PSD3: variants seen among roughly 807,000 people sequenced by gnomAD.
PSD3 encodes the protein PH and SEC7 domain-containing protein 3.
In PSD3, 49 loss-of-function variants were observed where a neutral mutation model predicts 105.5. The observed-to-expected ratio is 0.46, with a 90% CI of 0.37 to 0.59. The LOEUF (loss-of-function observed/expected upper bound fraction) is 0.59. Ranked by LOEUF, PSD3 falls within the 20% of genes least tolerant of loss-of-function variation. The probability of loss-of-function intolerance (pLI) is 0.00; values close to 1 mark genes in which losing one functional copy is unlikely to be tolerated. For synonymous variants in PSD3, 557 were observed against 457.8 expected (o/e 1.22, Z -2.77); for missense variants, 1,561 against 1,263.8 (o/e 1.24, Z -3.57).
At chr8:19,064,451 G>A (rs1395521) in intron 1 of PSD3, among the ~76,000 whole-genome samples, 138,000 of 152,168 alleles carry the variant, frequency 0.91, 63,387 homozygotes, top group Non-Finnish European at 1. Context: ...ACAAGCATAC[G>A]ATGTGTAATG....
chr8:18,728,961 G>C (rs923340362), intron 9 of PSD3, among the ~76,000 whole-genome samples: 15 of 152,128 alleles, frequency 9.9e-5, no homozygotes, highest in African/African-American at 3.6e-4. Context: ...CAGAGATCTG[G>C]TTTCAGGCTT....
intron 2 of PSD3, among the ~76,000 whole-genome samples, chr8:18,923,236 G>A (rs1333568579): frequency 3.9e-5 from 6 of 152,134 alleles, no homozygotes; most frequent in Admixed American, 3.9e-4. Context: ...TTAAAAATTT[G>A]TGTTGTGCCA....
At chr8:18,891,657 T>C (rs1364535373) in intron 2 of PSD3, among the ~76,000 whole-genome samples, 1 of 152,056 alleles carries the variant, frequency 6.6e-6, no homozygotes, top group East Asian at 1.9e-4. Context: ...TTACTAAATG[T>C]GTGTTCAACT....
chr8:18,789,927 G>A (rs567620953), intron 8 of PSD3, among the ~76,000 whole-genome samples: 3 of 152,274 alleles, frequency 2.0e-5, no homozygotes, highest in South Asian at 2.1e-4. Flanking sequence ...ACAGTGATAA[G>A]AAGACTGAAT....
chr8:18,738,257 G>A (rs1804299897), intron 9 of PSD3, among the ~76,000 whole-genome samples: 1 of 152,112 alleles, frequency 6.6e-6, no homozygotes, highest in Non-Finnish European at 1.5e-5. Flanking sequence ...GCAGTGAGAA[G>A]GACAAGTAGC....
At chr8:19,057,335 T>C (rs529519539) in intron 1 of PSD3, among the ~76,000 whole-genome samples, 1 of 152,288 alleles carries the variant, frequency 6.6e-6, no homozygotes, top group African/African-American at 2.4e-5. Context: ...CATCTTTCCA[T>C]GGAAGTTTCT....
At chr8:18,993,131 T>G (rs1825893861) in intron 1 of PSD3, among the ~76,000 whole-genome samples, 1 of 152,184 alleles carries the variant, frequency 6.6e-6, no homozygotes, top group African/African-American at 2.4e-5. Flanking sequence ...AAGAAAATCT[T>G]GTAAATGTCT....
chr8:18,535,768 G>C lies in PSD3; in HGVS notation c.3119C>G (p.Pro1040Arg), dbSNP rs201073812. 12 of 1,613,460 alleles carry C rather than the reference G, an allele frequency of 7.4e-6. No homozygotes were observed. The highest frequency in any genetic ancestry group is 9.3e-6 in the Non-Finnish European group (11 of 1,179,618). ...SERKDHRPET[P>R]SIKQKVT ...CTAAGTAACTTTTTGCTTAATGCTTGGTGTTTCAGGTCGGTGATCCTTCCT... is the reference window on the plus strand; with the variant it reads ...CTAAGTAACTTTTTGCTTAATGCTTCGTGTTTCAGGTCGGTGATCCTTCCT... The change falls in exon 16 of 16, where the codon CCA becomes CGA. Residue 1040 changes from proline to arginine, a missense_variant. Coordinates refer to ENST00000327040, the MANE Select transcript of PSD3 (RefSeq NM_015310.4).
In PSD3 at chr8:18,765,527, C is replaced by A; in HGVS notation, c.2094G>T (p.Lys698Asn). The change falls in exon 9 of 16, where the codon AAG (lysine) becomes AAT (asparagine). Residue 698 changes from lysine to asparagine, a missense_variant. By Grantham distance (94) the Lys-to-Asn change is moderately conservative. Transcript: ENST00000327040. ...CAATGAACTCCTGACAGGTCATCTT[C>A]TTTCCAATATTCTGAAACAGAGGCA... Reference protein sequence around the residue: ...NTDLHGHNIGKKMTCQEFIAN... With the variant: ...NTDLHGHNIGNKMTCQEFIAN... 1 of 1,608,426 alleles carries A rather than the reference C, an allele frequency of 6.2e-7. No individual in the cohort carries two copies. Among genetic ancestry groups the A allele is most frequent in the Non-Finnish European group, 8.5e-7 (1 of 1,174,870 alleles).
chr8:18,728,065 A>C (rs1803464548), intron 9 of PSD3, among the ~76,000 whole-genome samples: 1 of 150,770 alleles, frequency 6.6e-6, no homozygotes, highest in Non-Finnish European at 1.5e-5. Context: ...GAAAAACAGA[A>C]AAAAAAAAGC....
Position 18,810,589 on chromosome 8 carries a change from C to G in PSD3, c.1635-5691G>C, listed in dbSNP as rs138114423. Among the ~76,000 whole-genome samples, 142 of 151,822 alleles carry G rather than the reference C, an allele frequency of 9.4e-4. 2 individuals are homozygous for G. The Middle Eastern group carries it at 0.014, about 15-fold the overall frequency. ...GTAATTGTGGTAATAAAACTAGGACCAAAAAGAAGTTAGGTTAAGGTGTCA... is the reference window on the plus strand; with the variant it reads ...GTAATTGTGGTAATAAAACTAGGACGAAAAAGAAGTTAGGTTAAGGTGTCA... On this transcript the variant is annotated intron_variant, in intron 4 of 15. Transcript: ENST00000327040.
intron 9 of PSD3, among the ~76,000 whole-genome samples, chr8:18,720,358 G>A (rs1458182220): frequency 6.6e-6 from 1 of 152,172 alleles, no homozygotes; most frequent in Non-Finnish European, 1.5e-5. Flanking sequence ...CTCTTAAGGT[G>A]ACTCTTTGGA....
rs1307260767 is a variant in PSD3, at chr8:19,011,139, C to T, written c.21+2424G>A. Among the ~76,000 whole-genome samples, 10 of 152,112 alleles carry T rather than the reference C, an allele frequency of 6.6e-5. No individual in the cohort carries two copies. In the East Asian group the frequency reaches 1.7e-3, roughly 26 times the overall value. ...CCAATCCAACCCAAACCCAAAGACA[C>T]TCTTTTCATAATGTCCAAATGACAT... On this transcript the variant is annotated intron_variant, in intron 1 of 15. Coordinates refer to ENST00000327040, the MANE Select transcript of PSD3 (RefSeq NM_015310.4).
rs948750040 is a variant in PSD3, at chr8:18,530,286, G to C, written c.*5457C>G. ...CTTCTTTGGGGAGAGGCAGGAAAAA[G>C]AGACCTAAGTATAAAAATATTTAAA... On this transcript the variant is annotated 3_prime_UTR_variant, in exon 16 of 16. Transcript: ENST00000327040. The C allele has an allele frequency of 1.3e-5, 2 of 152,574 alleles. No homozygotes were observed. The highest frequency in any genetic ancestry group is 4.8e-5 in the African/African-American group (2 of 41,428). The allele number at this position is 152,574 out of a possible 1,614,324, so 9.5% of individuals were successfully genotyped here.
At chr8:18,689,740 G>A (rs1352294748) in intron 9 of PSD3, among the ~76,000 whole-genome samples, 1 of 152,188 alleles carries the variant, frequency 6.6e-6, no homozygotes, top group Non-Finnish European at 1.5e-5. Context: ...TTCTGTCCAT[G>A]TTTGTCACGT....
chr8:18,755,040 T>G (rs980784086), intron 9 of PSD3, among the ~76,000 whole-genome samples: 10 of 152,270 alleles, frequency 6.6e-5, no homozygotes, highest in African/African-American at 2.4e-4. Flanking sequence ...AGGATAGCTT[T>G]TATTCATGAT....
At chr8:18,801,811 G>A (rs1372743870) in intron 6 of PSD3, among the ~76,000 whole-genome samples, 1 of 151,948 alleles carries the variant, frequency 6.6e-6, no homozygotes, top group Non-Finnish European at 1.5e-5. Context: ...CTAGGCGACA[G>A]AGTGAGACTC....
At chr8:18,861,862 T>G (rs1816477761) in intron 4 of PSD3, among the ~76,000 whole-genome samples, 1 of 151,996 alleles carries the variant, frequency 6.6e-6, no homozygotes, top group Non-Finnish European at 1.5e-5. Context: ...AATCAGAAGT[T>G]CCACGAATGA....
intron 1 of PSD3, among the ~76,000 whole-genome samples, chr8:18,984,891 T>A (rs1825424421): frequency 6.6e-6 from 1 of 152,148 alleles, no homozygotes; most frequent in African/African-American, 2.4e-5. Flanking sequence ...CAGCTCAATG[T>A]CACCAGGAAA....
Sources: gnomAD v4.1 joint callset for allele counts (sites outside exome capture counted in the v4.1 genomes callset) on GRCh38, gnomAD v4.1.1 for gene constraint, MANE v1.5 for transcripts, NCBI Gene and HGNC (gene_info 2026-07-23, HGNC 2026-07-21) for gene names.